Variants in STK3 observed in about 807,000 individuals in gnomAD.
STK3 encodes the protein serine/threonine kinase 3, also known as serine/threonine-protein kinase 3.
Under a neutral mutation model 58.0 loss-of-function variants are expected in STK3, and 41 were observed. That is an observed-to-expected ratio of 0.71 (90% CI 0.55 to 0.92). The LOEUF is 0.92. Among genes scored for constraint, STK3 ranks in the 40% least tolerant of loss-of-function variants. The pLI, the probability that STK3 is intolerant of heterozygous loss-of-function variation, is 0.00. For synonymous variants in STK3, 170 were observed against 191.0 expected, an observed-to-expected ratio of 0.89 and a Z score of 0.91; for missense variants, 479 against 602.7, an observed-to-expected ratio of 0.79 and a Z score of 2.15.
chr8:98,712,643 A>G (rs1463796265), intron 4 of STK3, among the ~76,000 whole-genome samples: 1 of 152,022 alleles, frequency 6.6e-6, no homozygotes, highest in Admixed American at 6.6e-5. Flanking sequence ...GCAAGTCCTG[A>G]CTGACCTACA....
chr8:98,712,580 C>T (rs1320127314), intron 4 of STK3, among the ~76,000 whole-genome samples: 2 of 151,702 alleles, frequency 1.3e-5, no homozygotes, highest in African/African-American at 2.4e-5. Context: ...ACAAGAAGAG[C>T]TAACTATCCT....
At chr8:98,702,499 A>G (rs927217601) in intron 6 of STK3, among the ~76,000 whole-genome samples, 4 of 152,218 alleles carry the variant, frequency 2.6e-5, no homozygotes, top group African/African-American at 9.6e-5. Context: ...AAGGAGAAGC[A>G]ACTCCATTCT....
At chr8:98,462,638 A>T (rs1052347954) in intron 10 of STK3, among the ~76,000 whole-genome samples, 1 of 152,184 alleles carries the variant, frequency 6.6e-6, no homozygotes, top group Non-Finnish European at 1.5e-5. Flanking sequence ...CTGTCAGAGA[A>T]CTTCAAAGTA....
intron 1 of STK3, chr8:98,439,159 G>C (rs546937519): frequency 6.6e-6 from 1 of 152,110 alleles, no homozygotes; most frequent in Non-Finnish European, 1.5e-5. Context: ...TGTCACCCCC[G>C]CTAGTCTGGA....
intron 10 of STK3, among the ~76,000 whole-genome samples, chr8:98,491,816 A>C (rs1164191375): frequency 1.3e-5 from 2 of 152,184 alleles, no homozygotes; most frequent in Non-Finnish European, 2.9e-5. Context: ...ACTTATAATA[A>C]AGTAATTAAA....
chr8:98,558,059 A>C (rs1302737032), intron 8 of STK3, among the ~76,000 whole-genome samples: 1 of 152,142 alleles, frequency 6.6e-6, no homozygotes, highest in African/African-American at 2.4e-5. Flanking sequence ...AATTAAAAGT[A>C]AAAGCAACCT....
chr8:98,450,606 G>A (rs1819154857), downstream of STK3, among the ~76,000 whole-genome samples: 1 of 152,156 alleles, frequency 6.6e-6, no homozygotes, highest in Admixed American at 6.5e-5. Context: ...AGACTGATAA[G>A]AGAGAATATA....
At chr8:98,682,922 C>G (rs2130905647) in intron 6 of STK3, among the ~76,000 whole-genome samples, 1 of 152,184 alleles carries the variant, frequency 6.6e-6, no homozygotes, top group Non-Finnish European at 1.5e-5. Context: ...TAAATGCTAG[C>G]TTAAATCTCT....
At chr8:98,941,574 C>A (rs535329344) in intron 1 of STK3, among the ~76,000 whole-genome samples, 40 of 152,294 alleles carry the variant, frequency 2.6e-4, no homozygotes, top group African/African-American at 9.1e-4. Flanking sequence ...GGGAGAGGCG[C>A]GCGGTCCGAG....
Position 98,455,534 on chromosome 8 carries a change from C to A in STK3, c.*308G>T. 5.7e-6 allele frequency: 2 copies of A among 348,382 alleles called. No individual in the cohort carries two copies. The highest frequency in any genetic ancestry group is 4.6e-5 in the Admixed American group (1 of 21,958). 21.6% of individuals were successfully genotyped at this position (348,382 alleles called of 1,614,324 possible). A position where few individuals can be genotyped will look rare whatever the true frequency, so the allele number is the denominator to read the frequency against. ...AGCCCTTCAGTGCTGTACAATGCAACAATAGCTTTGGATTTTCAAGGTTTA... is the reference window on the plus strand; with the variant it reads ...AGCCCTTCAGTGCTGTACAATGCAAAAATAGCTTTGGATTTTCAAGGTTTA... On this transcript the variant is annotated 3_prime_UTR_variant, in exon 11 of 11. Coordinates refer to ENST00000419617, the MANE Select transcript of STK3 (RefSeq NM_006281.4).
intron 4 of STK3, among the ~76,000 whole-genome samples, chr8:98,734,340 G>A (rs1264594730): frequency 6.6e-6 from 1 of 152,208 alleles, no homozygotes; most frequent in Non-Finnish European, 1.5e-5. Context: ...TGAATGATTT[G>A]CTACAGACCA....
chr8:98,603,880 C>G (rs71514994), intron 6 of STK3, among the ~76,000 whole-genome samples: 4 of 152,092 alleles, frequency 2.6e-5, no homozygotes, highest in Non-Finnish European at 2.9e-5. Context: ...TTCTAATCCC[C>G]GGACTTGTGA....
chr8:98,365,697 A>G, the STK3 span, among the ~76,000 whole-genome samples: 1 of 147,158 alleles, frequency 6.8e-6, no homozygotes, highest in South Asian at 2.3e-4. Flanking sequence ...TCATGTCTTT[A>G]TATTTTCACC....
chr8:98,771,334 C>A (rs1458035523), intron 2 of STK3, among the ~76,000 whole-genome samples: 1 of 152,166 alleles, frequency 6.6e-6, no homozygotes, highest in Admixed American at 6.5e-5. Flanking sequence ...TGTTTATTCA[C>A]CTGGGATAGC....
chr8:98,719,427 C>G (rs758310627), intron 4 of STK3, among the ~76,000 whole-genome samples: 1 of 152,144 alleles, frequency 6.6e-6, no homozygotes, highest in Non-Finnish European at 1.5e-5. Context: ...TATCACTGCT[C>G]TACTAAAGAA....
At chr8:98,612,541 CA>C (rs1191823255) in intron 6 of STK3, among the ~76,000 whole-genome samples, 1 of 151,178 alleles carries the variant, frequency 6.6e-6, no homozygotes, top group African/African-American at 2.4e-5. Context: ...TCTTGGAACC[CA>C]AGGAACATAA....
intron 2 of STK3, among the ~76,000 whole-genome samples, chr8:98,374,425 T>C (rs1031123620): frequency 1.3e-5 from 2 of 152,212 alleles, no homozygotes; most frequent in Non-Finnish European, 2.9e-5. Context: ...TTCCAACCCA[T>C]TTATTCTACA....
At chr8:98,706,694 C>T (rs1265552340) in intron 5 of STK3, 60 bp from the exon 6 acceptor site, 9 of 1,418,728 alleles carry the variant, frequency 6.3e-6, no homozygotes, top group South Asian at 3.4e-5. Flanking sequence ...AATCTGTATG[C>T]CAAACATACT....
At chr8:98,613,055 TA>T (rs1183815918) in intron 6 of STK3, among the ~76,000 whole-genome samples, 2 of 152,122 alleles carry the variant, frequency 1.3e-5, no homozygotes, top group African/African-American at 4.8e-5. Context: ...GGAAATTAGG[TA>T]AGCACCAATA....
Sources: allele counts gnomAD v4.1 joint callset (sites outside exome capture counted in the v4.1 genomes callset), GRCh38; gene constraint gnomAD v4.1.1; transcripts MANE v1.5; gene names NCBI Gene and HGNC (gene_info 2026-07-23, HGNC 2026-07-21).